RMP64: variants seen among roughly 807,000 people sequenced by gnomAD.
RMP64 encodes the protein ribonuclease MRP subunit p64.
At chr3:113,003,456 A>G in the RMP64 span, 1 of 151,748 alleles carries the variant, frequency 6.6e-6, no homozygotes, top group South Asian at 2.1e-4. Flanking sequence ...TAAATGTTAA[A>G]TATTTGGATT....
At chr3:113,017,297 G>C in the RMP64 span, 1 of 530,114 alleles carries the variant, frequency 1.9e-6, no homozygotes, top group Non-Finnish European at 3.2e-6. Context: ...AAAAAAGAAA[G>C]TGCACATGTA....
At chr3:113,012,841 A>C in the RMP64 span, 1 of 1,267,544 alleles carries the variant, frequency 7.9e-7, no homozygotes, top group Non-Finnish European at 1.2e-6. Flanking sequence ...TAGAAAACAA[A>C]ATCAAAGTAA....
the RMP64 span, chr3:113,011,087 C>T: frequency 1.2e-3 from 2,007 of 1,610,442 alleles, 5 homozygotes; most frequent in Non-Finnish European, 1.5e-3. Flanking sequence ...CCAAGATCCA[C>T]ATTATTCTGT....
At chr3:113,019,599 T>G in the RMP64 span, 2 of 1,613,876 alleles carry the variant, frequency 1.2e-6, no homozygotes, top group Non-Finnish European at 1.7e-6. Context: ...GCCTTAGGGA[T>G]TCTCACACGG....
chr3:113,018,449 A>G, the RMP64 span, among the ~76,000 whole-genome samples: 1 of 152,222 alleles, frequency 6.6e-6, no homozygotes, highest in Non-Finnish European at 1.5e-5. Context: ...GATAGATGGG[A>G]TAATCTGTAA....
chr3:113,018,373 T>C, the RMP64 span, among the ~76,000 whole-genome samples: 48 of 152,268 alleles, frequency 3.2e-4, no homozygotes, highest in African/African-American at 1.0e-3. Context: ...CCAGGCCTAA[T>C]AGGAGTTGTT....
the RMP64 span, chr3:113,008,423 C>G: frequency 6.2e-7 from 1 of 1,609,586 alleles, no homozygotes; most frequent in Non-Finnish European, 8.5e-7. Flanking sequence ...AAAATCAAAA[C>G]TGGTCTCCTG....
chr3:113,013,448 A>C, the RMP64 span: 5 of 1,446,870 alleles, frequency 3.5e-6, no homozygotes, highest in Non-Finnish European at 4.6e-6. Flanking sequence ...TTAAAAAAAA[A>C]GGGTTTTTTT....
the RMP64 span, among the ~76,000 whole-genome samples, chr3:113,009,876 T>G: frequency 3.9e-5 from 6 of 152,054 alleles, no homozygotes; most frequent in East Asian, 7.7e-4. Context: ...CTGGAGTCCT[T>G]AAGTTCAAGA....
chr3:113,018,637 C>T, the RMP64 span, among the ~76,000 whole-genome samples: 2 of 152,154 alleles, frequency 1.3e-5, no homozygotes, highest in African/African-American at 4.8e-5. Flanking sequence ...CCAGCCCAAC[C>T]GGAAACAAAG....
the RMP64 span, chr3:113,013,157 A>T: frequency 8.5e-7 from 1 of 1,171,770 alleles, no homozygotes; most frequent in Non-Finnish European, 1.2e-6. Context: ...AAAGTTTAAG[A>T]ATTCCTGTAG....
the RMP64 span, chr3:113,009,590 G>A: frequency 6.6e-6 from 1 of 152,180 alleles, no homozygotes; most frequent in Non-Finnish European, 1.5e-5. Context: ...GGGGACTGGT[G>A]AATAGTAAAG....
the RMP64 span, chr3:113,019,623 G>A: frequency 5.6e-6 from 9 of 1,613,630 alleles, 1 homozygote; most frequent in South Asian, 5.5e-5. Context: ...CACGGCTCCA[G>A]GCCCGGCGGC....
chr3:113,013,552 G>A, the RMP64 span: 1 of 701,514 alleles, frequency 1.4e-6, no homozygotes, highest in Non-Finnish European at 2.3e-6. Context: ...TATGGCAGAA[G>A]AAGCACAGAG....
At chr3:113,005,769 G>T in the RMP64 span, 2 of 1,613,782 alleles carry the variant, frequency 1.2e-6, no homozygotes, top group South Asian at 1.1e-5. Flanking sequence ...ACAGTACAGT[G>T]TGAGAGTCTC....
the RMP64 span, among the ~76,000 whole-genome samples, chr3:113,018,243 T>C: frequency 1.3e-5 from 2 of 152,234 alleles, no homozygotes; most frequent in Non-Finnish European, 2.9e-5. Flanking sequence ...AAGGCAGCAC[T>C]AGCATTCTAA....
At chr3:113,010,986 G>C in the RMP64 span, 3 of 1,452,744 alleles carry the variant, frequency 2.1e-6, no homozygotes, top group African/African-American at 4.3e-5. Context: ...ACTTTCAAAA[G>C]GTTTCTTTTT....
chr3:113,006,679 G>T, the RMP64 span, among the ~76,000 whole-genome samples: 2 of 152,292 alleles, frequency 1.3e-5, no homozygotes, highest in Non-Finnish European at 1.5e-5. Context: ...TAAAAGACGG[G>T]CATGGATATA....
At chr3:113,010,620 A>G in the RMP64 span, 1 of 1,597,596 alleles carries the variant, frequency 6.3e-7, no homozygotes, top group Admixed American at 1.7e-5. Context: ...ATCATAAGCT[A>G]AATTTAATGA....
Sources: allele counts gnomAD v4.1 joint callset (sites outside exome capture counted in the v4.1 genomes callset), GRCh38; gene constraint gnomAD v4.1.1; transcripts MANE v1.5; gene names NCBI Gene and HGNC (gene_info 2026-07-23, HGNC 2026-07-21).